HMGXB3: variants seen among roughly 807,000 people sequenced by gnomAD.
HMGXB3 encodes HMG domain-containing protein 3.
In HMGXB3, 45 loss-of-function variants were observed where a neutral mutation model predicts 121.5. That is an observed-to-expected ratio of 0.37 (90% CI 0.29 to 0.47). The LOEUF is 0.47. Ranked by LOEUF, HMGXB3 falls within the 20% of genes least tolerant of loss-of-function variation. HMGXB3 has a pLI of 0.99. For missense variants in HMGXB3, 1,376 were observed against 1,602.2 expected (o/e 0.86, Z 2.41); for synonymous variants, 590 against 624.1 (o/e 0.95, Z 0.81).
At chr5:150,029,312 A>T (rs553494875) in intron 9 of HMGXB3, among the ~76,000 whole-genome samples, 1 of 149,642 alleles carries the variant, frequency 6.7e-6, no homozygotes, top group South Asian at 2.1e-4. Context: ...GGCTATATGT[A>T]GCTAGAATAG....
Position 150,052,504 on chromosome 5 carries a change from G to GCT in HMGXB3, c.*312_*313insCT. 1 of 341,040 alleles carries GCT rather than the reference G, an allele frequency of 2.9e-6. No homozygotes were observed. 21.1% of individuals were successfully genotyped at this position (341,040 alleles called of 1,614,324 possible). A position where few individuals can be genotyped will look rare whatever the true frequency, so the allele number is the denominator to read the frequency against. Reference sequence around the variant, plus strand: ...AGCTGGTGGGTTCCGTGGGGCCTGCGGTGTGGGTCAGGGTGGAGGTCCTGG... The same window carrying GCT: ...AGCTGGTGGGTTCCGTGGGGCCTGCGCTGTGTGGGTCAGGGTGGAGGTCCTGG... On this transcript the variant is annotated 3_prime_UTR_variant, in exon 20 of 20. Transcript: ENST00000502717.
chr5:150,049,627 T>C (rs1216622802), intron 18 of HMGXB3, among the ~76,000 whole-genome samples: 2 of 152,162 alleles, frequency 1.3e-5, no homozygotes, highest in African/African-American at 2.4e-5. Context: ...GATCATCTCA[T>C]GAGAAGCAGC....
intron 15 of HMGXB3, 72 bp downstream of exon 15, chr5:150,042,041 A>G: frequency 7.8e-7 from 1 of 1,283,224 alleles, no homozygotes; most frequent in Non-Finnish European, 1.1e-6. Context: ...CCTATATGAT[A>G]TCCCCAGGGG....
intron 4 of HMGXB3, among the ~76,000 whole-genome samples, chr5:150,011,753 G>A (rs894732723): frequency 3.3e-5 from 5 of 151,274 alleles, no homozygotes; most frequent in African/African-American, 9.7e-5. Flanking sequence ...ACAAGCATGC[G>A]CCACCACGCC....
chr5:150,018,790 T>C, intron 6 of HMGXB3, 93 bp downstream of exon 6: 1 of 1,179,048 alleles, frequency 8.5e-7, no homozygotes, highest in Non-Finnish European at 1.2e-6. Context: ...AAGTTAACAT[T>C]TGTTTTTACT....
At chr5:150,038,140 C>T (rs1288238270) in intron 13 of HMGXB3, among the ~76,000 whole-genome samples, 4 of 152,116 alleles carry the variant, frequency 2.6e-5, no homozygotes, top group African/African-American at 9.7e-5. Context: ...GCACATTTAC[C>T]CTTTCCTCCC....
At chr5:150,022,817 CTTTT>C (rs11388244) in intron 6 of HMGXB3, among the ~76,000 whole-genome samples, 91 of 119,918 alleles carry the variant, frequency 7.6e-4, no homozygotes, top group Non-Finnish European at 1.2e-3. Context: ...GTTACTGGCT[CTTTT>C]TTTTTTTTTT....
Position 150,052,240 on chromosome 5 carries a change from G to A in HMGXB3, c.*48G>A, listed in dbSNP as rs73796304. ...ACACCATCTCTCAAGCCATAGTAAG[G>A]CCCTTGCCTGAGGCAGAGCTATCCA... is the stretch of plus-strand genomic sequence containing the variant. On this transcript the variant is annotated 3_prime_UTR_variant, in exon 20 of 20. Transcript: ENST00000502717. The A allele has an allele frequency of 4.8e-4, 677 of 1,421,060 alleles. 5 individuals are homozygous for A. In the African/African-American group the frequency reaches 8.5e-3, roughly 18 times the overall value. The allele number at this position is 1,421,060 out of a possible 1,614,324, so 88.0% of individuals were successfully genotyped here.
chr5:150,024,143 C>A, intron 6 of HMGXB3, 119 bp from the exon 7 acceptor site: 1 of 843,174 alleles, frequency 1.2e-6, no homozygotes, highest in Non-Finnish European at 1.7e-6. Flanking sequence ...TAACTTCTTC[C>A]TTTCATGGAC....
At chr5:150,007,612 A>G (rs576768394) in intron 3 of HMGXB3, among the ~76,000 whole-genome samples, 38 of 152,164 alleles carry the variant, frequency 2.5e-4, no homozygotes, top group Non-Finnish European at 5.6e-4. Flanking sequence ...GCTTTGTCTT[A>G]CCTACAGGCT....
intron 4 of HMGXB3, among the ~76,000 whole-genome samples, chr5:150,010,937 G>A (rs992694813): frequency 2.6e-5 from 4 of 152,220 alleles, no homozygotes; most frequent in Admixed American, 1.3e-4. Context: ...TTTAGTATCA[G>A]TCAGGATTTT....
rs1424255416 is a variant in HMGXB3 at position 150,026,759 on chromosome 5, G to A, written c.1514G>A (p.Arg505Gln). The A allele has an allele frequency of 7.7e-6, 12 of 1,551,196 alleles. No individual in the cohort carries two copies. The highest frequency in any genetic ancestry group is 4.1e-5 in the African/African-American group (3 of 73,014). ...GCTCCAGAGCTTAAAGGCAGAGCACGGGGCAAGCCCTCATTACTGGCTGCA... is the reference window on the plus strand; with the variant it reads ...GCTCCAGAGCTTAAAGGCAGAGCACAGGGCAAGCCCTCATTACTGGCTGCA... ...SRAPELKGRA[R>Q]GKPSLLAAAR... The change falls in exon 8 of 20, where the codon CGG (arginine) becomes CAG (glutamine). Residue 505 changes from arginine (R) to glutamine (Q), a missense_variant. Arg to Gln is a conservative substitution (Grantham distance 43, BLOSUM62 1). Coordinates refer to ENST00000502717, the MANE Select transcript of HMGXB3 (RefSeq NM_014983.3).
chr5:150,040,609 C>G (rs892287923), intron 13 of HMGXB3, 139 bp from the exon 14 acceptor site: 1 of 804,234 alleles, frequency 1.2e-6, no homozygotes, highest in African/African-American at 1.8e-5. Context: ...AACTCCTGGG[C>G]TCAAGCGATC....
At chr5:150,008,012 G>A (rs940587942) in intron 3 of HMGXB3, among the ~76,000 whole-genome samples, 1 of 151,618 alleles carries the variant, frequency 6.6e-6, no homozygotes, top group African/African-American at 2.4e-5. Flanking sequence ...AGCCGTGATT[G>A]TGCCACTGCA....
chr5:150,048,511 C>A, intron 17 of HMGXB3, 58 bp from the exon 18 acceptor site: 1 of 1,152,750 alleles, frequency 8.7e-7, no homozygotes, highest in Non-Finnish European at 1.3e-6. Context: ...ATGCTGAGCA[C>A]CAGCCGTGGT....
intron 6 of HMGXB3, among the ~76,000 whole-genome samples, chr5:150,019,503 G>T (rs1371741527): frequency 6.6e-6 from 1 of 152,164 alleles, no homozygotes; most frequent in Non-Finnish European, 1.5e-5. Context: ...GTGCGAACTA[G>T]ATAAAACATA....
intron 9 of HMGXB3, chr5:150,030,422 A>C: frequency 5.0e-6 from 1 of 200,342 alleles, no homozygotes. Context: ...TTTCTATGCA[A>C]AGTTGTTCAA....
intron 3 of HMGXB3, among the ~76,000 whole-genome samples, chr5:150,009,334 T>C (rs1755776837): frequency 6.6e-6 from 1 of 152,224 alleles, no homozygotes; most frequent in South Asian, 2.1e-4. Context: ...AATAATCTTA[T>C]CTAACATAAT....
chr5:150,023,889 GC>G (rs760364825), intron 6 of HMGXB3, among the ~76,000 whole-genome samples: 5 of 152,226 alleles, frequency 3.3e-5, no homozygotes, highest in Non-Finnish European at 5.9e-5. Flanking sequence ...GGGCTTTTAG[GC>G]CCTGTATGGC....
Sources: allele counts gnomAD v4.1 joint callset (sites outside exome capture counted in the v4.1 genomes callset), GRCh38; gene constraint gnomAD v4.1.1; transcripts MANE v1.5; gene names NCBI Gene and HGNC (gene_info 2026-07-23, HGNC 2026-07-21).